HACD2: variants seen among roughly 807,000 people sequenced by gnomAD.
HACD2 encodes the protein very-long-chain (3R)-3-hydroxyacyl-CoA dehydratase 2.
HACD2 carries 15 observed loss-of-function variants against 31.0 expected under a neutral mutation model. The ratio of observed to expected loss-of-function variants is 0.48; its 90% confidence interval spans 0.32 to 0.75. The LOEUF (loss-of-function observed/expected upper bound fraction) is 0.75, where lower values mean the gene tolerates loss of function less well. HACD2 is among the 30% of genes least tolerant of loss of function. The probability of loss-of-function intolerance (pLI) is 0.03; values close to 1 mark genes in which losing one functional copy is unlikely to be tolerated. For synonymous variants in HACD2, 115 were observed against 122.2 expected (o/e 0.94, Z 0.39); for missense variants, 283 against 313.0 (o/e 0.90, Z 0.72).
intron 4 of HACD2, among the ~76,000 whole-genome samples, chr3:123,527,003 G>C (rs1341043172): frequency 1.3e-5 from 2 of 152,208 alleles, no homozygotes; most frequent in East Asian, 1.9e-4. Context: ...TTAGCACCTG[G>C]ACAATTAATA....
chr3:123,508,574 T>C (rs928995386), intron 4 of HACD2, among the ~76,000 whole-genome samples: 9 of 152,214 alleles, frequency 5.9e-5, no homozygotes, highest in Admixed American at 6.5e-5. Context: ...CCTATTCTTC[T>C]TAGCATTTTG....
chr3:123,526,368 C>T (rs1373488430), intron 4 of HACD2, among the ~76,000 whole-genome samples: 1 of 152,176 alleles, frequency 6.6e-6, no homozygotes, highest in East Asian at 1.9e-4. Context: ...GATCCTAGGA[C>T]AGCAGAAACG....
chr3:123,540,855 A>G lies in HACD2; in HGVS notation c.293-12381T>C, dbSNP rs114599289. ...ATATCATCACTTTTTGCTAACTTAT[A>G]CTAATAACCCATAAGTACCTTGAAT... On this transcript the variant is annotated intron_variant, in intron 3 of 6. Coordinates refer to ENST00000383657, the MANE Select transcript of HACD2 (RefSeq NM_198402.5). Among the ~76,000 whole-genome samples, 658 of 152,322 alleles carry G rather than the reference A, an allele frequency of 4.3e-3. 4 individuals are homozygous for G. The highest frequency in any genetic ancestry group is 0.015 in the African/African-American group (640 of 41,564).
intron 2 of HACD2, among the ~76,000 whole-genome samples, chr3:123,568,971 G>A (rs2056824121): frequency 6.6e-6 from 1 of 152,072 alleles, no homozygotes; most frequent in African/African-American, 2.4e-5. Flanking sequence ...TTATTTCATT[G>A]TGCATTAGTT....
intron 6 of HACD2, among the ~76,000 whole-genome samples, chr3:123,498,054 A>C (rs1162805983): frequency 1.3e-5 from 2 of 152,148 alleles, no homozygotes; most frequent in African/African-American, 4.8e-5. Context: ...TGAACTGTAC[A>C]CTCTGGCCTC....
intron 3 of HACD2, among the ~76,000 whole-genome samples, chr3:123,549,935 C>G (rs985129017): frequency 6.6e-6 from 1 of 152,108 alleles, no homozygotes; most frequent in Non-Finnish European, 1.5e-5. Flanking sequence ...ATTTGGGAAT[C>G]CAGGTATGCT....
At chr3:123,581,271 T>C (rs879837848) in intron 2 of HACD2, among the ~76,000 whole-genome samples, 1 of 152,218 alleles carries the variant, frequency 6.6e-6, no homozygotes, top group East Asian at 1.9e-4. Context: ...TAATGAAATA[T>C]ACGAACTATG....
chr3:123,499,456 G>A, intron 6 of HACD2: 1 of 334,154 alleles, frequency 3.0e-6, no homozygotes, highest in Non-Finnish European at 6.0e-6. Flanking sequence ...AATGAATCAT[G>A]AAGCAGAACT....
chr3:123,568,460 GGTTCAAC>G (rs1372811447), intron 2 of HACD2, among the ~76,000 whole-genome samples: 1 of 152,150 alleles, frequency 6.6e-6, no homozygotes, highest in African/African-American at 2.4e-5. Flanking sequence ...CAGTCTTTGG[GGTTCAAC>G]AGTCCTTCCT....
intron 2 of HACD2, 80 bp downstream of exon 2, chr3:123,582,132 T>C: frequency 2.2e-6 from 2 of 919,242 alleles, no homozygotes; most frequent in Non-Finnish European, 3.1e-6. Context: ...AAAGGGGGTA[T>C]GCTACTTCAA....
At chr3:123,569,299 C>T (rs2056827585) in intron 2 of HACD2, among the ~76,000 whole-genome samples, 1 of 152,120 alleles carries the variant, frequency 6.6e-6, no homozygotes, top group Admixed American at 6.5e-5. Context: ...AGATCTAGAT[C>T]AAAATGGGGA....
chr3:123,577,493 C>T (rs1034258479), intron 2 of HACD2, among the ~76,000 whole-genome samples: 1 of 151,792 alleles, frequency 6.6e-6, no homozygotes, highest in East Asian at 1.9e-4. Context: ...TGGTGGCGGG[C>T]GCCTGTAGTC....
At chr3:123,512,123 C>T (rs1299076961) in intron 4 of HACD2, among the ~76,000 whole-genome samples, 1 of 152,164 alleles carries the variant, frequency 6.6e-6, no homozygotes, top group African/African-American at 2.4e-5. Flanking sequence ...TCAGGTGTTC[C>T]TTAATAGCAG....
At chr3:123,510,945 GTTTTTTTTTGTT>G (rs2056054672) in intron 4 of HACD2, among the ~76,000 whole-genome samples, 3 of 115,008 alleles carry the variant, frequency 2.6e-5, no homozygotes, top group Non-Finnish European at 5.5e-5. Context: ...TTTTTTTTTT[GTTTTTTTTTGTT>G]TTTTTTTTTA....
chr3:123,578,443 T>C (rs965403190), intron 2 of HACD2, among the ~76,000 whole-genome samples: 1 of 152,058 alleles, frequency 6.6e-6, no homozygotes, highest in African/African-American at 2.4e-5. Context: ...GCCAATTTTT[T>C]AATTTTTTGT....
In HACD2 at chr3:123,544,886, G is replaced by A. The variant is rs370326596; in HGVS notation, c.293-16412C>T. Among the ~76,000 whole-genome samples the A allele has an allele frequency of 8.6e-5, 13 of 151,536 alleles. 1 individual carries two copies. In the East Asian group the frequency reaches 1.4e-3, roughly 16 times the overall value. ...CTCAGGAGTTTGAGACCAGTCTGGG[G>A]AACATGGCAAAACCCTGTCTCTCCA... On this transcript the variant is annotated intron_variant, in intron 3 of 6. Transcript: ENST00000383657.
At chr3:123,543,644 GA>G in intron 3 of HACD2, 2 of 395,326 alleles carry the variant, frequency 5.1e-6, no homozygotes, top group Admixed American at 3.5e-5. Context: ...TAACAAAATG[GA>G]AAAATGATTA....
intron 2 of HACD2, among the ~76,000 whole-genome samples, chr3:123,571,994 A>C (rs1466068272): frequency 6.6e-6 from 1 of 152,200 alleles, no homozygotes; most frequent in Non-Finnish European, 1.5e-5. Flanking sequence ...ATCTTCATGA[A>C]GTTGGACTGT....
intron 3 of HACD2, among the ~76,000 whole-genome samples, chr3:123,545,285 T>G (rs1029662403): frequency 6.7e-6 from 1 of 150,320 alleles, no homozygotes; most frequent in African/African-American, 2.4e-5. Flanking sequence ...AGTTTGAGAC[T>G]CGCCTGGTCA....
Sources: gnomAD v4.1 joint callset for allele counts (sites outside exome capture counted in the v4.1 genomes callset) on GRCh38, gnomAD v4.1.1 for gene constraint, MANE v1.5 for transcripts, NCBI Gene and HGNC (gene_info 2026-07-23, HGNC 2026-07-21) for gene names.